CYLD: variants seen among roughly 807,000 people sequenced by gnomAD.
The protein encoded by CYLD is ubiquitin carboxyl-terminal hydrolase CYLD.
Under a neutral mutation model 104.5 loss-of-function variants are expected in CYLD, and 26 were observed. That is an observed-to-expected ratio of 0.25 (90% CI 0.18 to 0.35). CYLD has a LOEUF of 0.35. Ranked by LOEUF, CYLD falls within the 10% of genes least tolerant of loss-of-function variation. The pLI is 1.00. For synonymous variants in CYLD, 385 were observed against 399.9 expected (o/e 0.96, Z 0.45); for missense variants, 703 against 1,136.1 (o/e 0.62, Z 5.48).
intron 5 of CYLD, among the ~76,000 whole-genome samples, chr16:50,756,360 G>A (rs1011536817): frequency 1.3e-5 from 2 of 152,188 alleles, no homozygotes; most frequent in Admixed American, 1.3e-4. Context: ...CTAATCTAAT[G>A]TACTGTGGAG....
chr16:50,796,796 T>C lies in CYLD; in HGVS notation c.*288T>C. On this transcript the variant is annotated 3_prime_UTR_variant, in exon 19 of 19. Transcript: ENST00000427738. ...AGTTAAGTGCATTGATCATATGATA[T>C]TTTTGGAAGCATACAATTTTAATTG... 1 of 417,464 alleles carries C rather than the reference T, an allele frequency of 2.4e-6. No individual in the cohort carries two copies. The highest frequency in any genetic ancestry group is 4.4e-6 in the Non-Finnish European group (1 of 225,938). The allele number at this position is 417,464 out of a possible 1,614,324, so 25.9% of individuals were successfully genotyped here.
At chr16:50,748,468 A>G (rs1032780093) in intron 2 of CYLD, among the ~76,000 whole-genome samples, 3 of 152,198 alleles carry the variant, frequency 2.0e-5, no homozygotes, top group Non-Finnish European at 4.4e-5. Flanking sequence ...GGATCATTTG[A>G]GTCCAGGAGT....
At position 50,799,301 on chromosome 16, in the gene CYLD, G is replaced by A. The variant is rs1972299042; in HGVS notation, c.*2793G>A. 1 of 233,476 alleles carries A rather than the reference G, an allele frequency of 4.3e-6. No homozygotes were observed. Among genetic ancestry groups the A allele is most frequent in the Non-Finnish European group, 8.5e-6 (1 of 118,074 alleles). The allele number at this position is 233,476 out of a possible 1,614,324, so 14.5% of individuals were successfully genotyped here. A position where few individuals can be genotyped will look rare whatever the true frequency, so the allele number is the denominator to read the frequency against. On this transcript the variant is annotated 3_prime_UTR_variant, in exon 19 of 19. Transcript: ENST00000427738. Reference sequence around the variant, plus strand: ...CAAATAAATATGTGTGTGTCTGTGTGTGTGTATATATGTATGTGGCGGAGA... The same window carrying A: ...CAAATAAATATGTGTGTGTCTGTGTATGTGTATATATGTATGTGGCGGAGA...
intron 5 of CYLD, among the ~76,000 whole-genome samples, chr16:50,766,853 G>T: frequency 6.6e-6 from 1 of 152,170 alleles, no homozygotes; most frequent in Non-Finnish European, 1.5e-5. Flanking sequence ...AACTTGAGCG[G>T]ATGAAGAAAG....
intron 5 of CYLD, among the ~76,000 whole-genome samples, chr16:50,772,833 A>G (rs960685888): frequency 2.6e-5 from 4 of 152,206 alleles, no homozygotes; most frequent in South Asian, 4.1e-4. Flanking sequence ...TCCTGGTCCT[A>G]TGAGACAGTT....
intron 5 of CYLD, among the ~76,000 whole-genome samples, chr16:50,767,424 A>G (rs1355729836): frequency 6.6e-6 from 1 of 151,716 alleles, no homozygotes; most frequent in East Asian, 1.9e-4. Context: ...AACAGAACCT[A>G]CAATATCTCC....
chr16:50,751,723 T>C lies in CYLD; in HGVS notation c.624T>C (p.Asp208=). The C allele has an allele frequency of 1.2e-6, 2 of 1,613,850 alleles. No homozygotes were observed. Among genetic ancestry groups the C allele is most frequent in the South Asian group, 2.2e-5 (2 of 91,082 alleles). The change falls in exon 4 of 19, where the codon GAT becomes GAC. Residue 208 remains aspartate, a synonymous_variant. Coordinates refer to ENST00000427738, the MANE Select transcript of CYLD (RefSeq NM_001378743.1). ...ALDKLELIED[D]DTALESDYAG... is the part of the protein sequence containing the mutation. ...ACAAGCTAGAACTCATAGAAGATGA[T>C]GACACTGCATTGGAAAGTGATTACG... is the stretch of plus-strand genomic sequence containing the variant.
chr16:50,761,623 A>G (rs1967933777), intron 5 of CYLD, among the ~76,000 whole-genome samples: 1 of 152,182 alleles, frequency 6.6e-6, no homozygotes, highest in African/African-American at 2.4e-5. Context: ...CAGGATTTAT[A>G]AAATTTTTAT....
intron 4 of CYLD, 36 bp from the exon 5 acceptor site, chr16:50,754,283 T>C: frequency 7.6e-7 from 1 of 1,316,930 alleles, no homozygotes; most frequent in Non-Finnish European, 1.1e-6. Context: ...TACATTTCAT[T>C]GAGGAGGATT....
Position 50,800,109 on chromosome 16 carries a change from C to T in CYLD, c.*3601C>T, listed in dbSNP as rs1389348748. On this transcript the variant is annotated 3_prime_UTR_variant, in exon 19 of 19. Coordinates refer to ENST00000427738, the MANE Select transcript of CYLD (RefSeq NM_001378743.1). The stretch of plus-strand genomic sequence containing the variant: ...TCTAGCCCTGTTTCTGTCACTTGCT[C>T]TGTACACTTAGACAACAGCTTGACC... The T allele has an allele frequency of 8.6e-6, 2 of 233,022 alleles. No homozygotes were observed. The highest frequency in any genetic ancestry group is 1.7e-5 in the Non-Finnish European group (2 of 118,024). The allele number at this position is 233,022 out of a possible 1,614,324, so 14.4% of individuals were successfully genotyped here. A position where few individuals can be genotyped will look rare whatever the true frequency, so the allele number is the denominator to read the frequency against.
At chr16:50,792,226 A>T (rs995879073) in intron 15 of CYLD, among the ~76,000 whole-genome samples, 1 of 152,166 alleles carries the variant, frequency 6.6e-6, no homozygotes, top group Non-Finnish European at 1.5e-5. Context: ...ACAGTTATTT[A>T]TTTGTTGAAA....
rs772152412 is a variant in CYLD at position 50,750,012 on chromosome 16, A to G, written c.314A>G (p.Asn105Ser). Residue 105 changes from asparagine (N) to serine (S), a missense_variant, in exon 3 of 19, where the codon AAT (asparagine) becomes AGT (serine). This residue lies in a region of CYLD where 142 missense variants were observed against 165.1 expected (regional missense o/e 0.86). Coordinates refer to ENST00000427738, the MANE Select transcript of CYLD (RefSeq NM_001378743.1). Reference protein sequence around the residue: ...KFTELLLAITNCEERFSLFKN... With the variant: ...KFTELLLAITSCEERFSLFKN... ...ACAGAGTTACTTTTGGCAATTACCA[A>G]TTGTGAGGAGAGGTTCAGCCTGTTT... 27 of 1,614,188 alleles carry G rather than the reference A, an allele frequency of 1.7e-5. No homozygotes were observed. The South Asian group carries it at 2.4e-4, about 14-fold the overall frequency.
In CYLD at chr16:50,794,848, T is replaced by G. The variant is rs537927243; in HGVS notation, c.2686+420T>G. On this transcript the variant is annotated intron_variant, in intron 18 of 18. Coordinates refer to ENST00000427738, the MANE Select transcript of CYLD (RefSeq NM_001378743.1). This position sits in a 1 kb window ranked among gnomAD's most constrained non-coding sequence, Gnocchi z 4.1. ...GTTGCCCAAGCTGGTCTCAAATTCC[T>G]GGCCTCAAGTGATTAACCCTCCTTT... 2 of 276,026 alleles carry G rather than the reference T, an allele frequency of 7.2e-6. No homozygotes were observed. The highest frequency in any genetic ancestry group is 1.9e-4 in the East Asian group (2 of 10,578). 17.1% of individuals were successfully genotyped at this position (276,026 alleles called of 1,614,324 possible).
In CYLD at chr16:50,801,447, C is replaced by T. The variant is rs1388318971; in HGVS notation, c.*4939C>T. The T allele has an allele frequency of 4.3e-6, 1 of 233,872 alleles. No individual in the cohort carries two copies. The highest frequency in any genetic ancestry group is 2.2e-5 in the African/African-American group (1 of 45,476). 14.5% of individuals were successfully genotyped at this position (233,872 alleles called of 1,614,324 possible). ...GGAGGGATTGTCCTTTCAAGCACCACAGCTTCAGATAAAATTAGTACTTTC... is the reference window on the plus strand; with the variant it reads ...GGAGGGATTGTCCTTTCAAGCACCATAGCTTCAGATAAAATTAGTACTTTC... On this transcript the variant is annotated 3_prime_UTR_variant, in exon 19 of 19. Coordinates refer to ENST00000427738, the MANE Select transcript of CYLD (RefSeq NM_001378743.1).
At chr16:50,754,952 T>G in intron 5 of CYLD, among the ~76,000 whole-genome samples, 1 of 146,466 alleles carries the variant, frequency 6.8e-6, no homozygotes, top group Non-Finnish European at 1.5e-5. Flanking sequence ...TATACACACA[T>G]ATATACATAT....
chr16:50,783,134 G>A (rs146568200), intron 11 of CYLD, among the ~76,000 whole-genome samples: 99 of 152,062 alleles, frequency 6.5e-4, no homozygotes, highest in African/African-American at 2.2e-3. Flanking sequence ...GTTTCACCAC[G>A]TTGGCCAGGC....
intron 5 of CYLD, among the ~76,000 whole-genome samples, chr16:50,767,997 A>T (rs1262557478): frequency 6.6e-6 from 1 of 152,200 alleles, no homozygotes; most frequent in African/African-American, 2.4e-5. Flanking sequence ...GAGGATTGAG[A>T]TAATTAAAAT....
At chr16:50,768,168 G>T (rs2150960584) in intron 5 of CYLD, among the ~76,000 whole-genome samples, 1 of 152,036 alleles carries the variant, frequency 6.6e-6, no homozygotes, top group East Asian at 1.9e-4. Flanking sequence ...CCCTCAATAG[G>T]AGATAATTAA....
chr16:50,777,792 T>C (rs1223056008), intron 7 of CYLD, 33 bp from the exon 8 acceptor site: 2 of 1,228,302 alleles, frequency 1.6e-6, no homozygotes, highest in Admixed American at 1.7e-5. Context: ...ATATTGACTT[T>C]ATTTTTAAAT....
Sources: gnomAD v4.1 joint callset for allele counts (sites outside exome capture counted in the v4.1 genomes callset) on GRCh38, gnomAD v4.1.1 for gene constraint, gnomAD v4.1.1 regional missense constraint, Gnocchi (gnomAD v3.1) non-coding constraint, MANE v1.5 for transcripts, NCBI Gene and HGNC (gene_info 2026-07-23, HGNC 2026-07-21) for gene names.